The following LMO3 variants were observed in gnomAD, a reference collection of about 807,000 sequenced individuals.
LMO3 encodes the protein LIM domain only 3.
In LMO3, 2 loss-of-function variants were observed where a neutral mutation model predicts 15.8. The observed-to-expected ratio is 0.13, with a 90% CI of 0.05 to 0.40. The LOEUF (loss-of-function observed/expected upper bound fraction) is 0.40, where lower values mean the gene tolerates loss of function less well. Among genes scored for constraint, LMO3 ranks in the 10% least tolerant of loss-of-function variants. The pLI, the probability that LMO3 is intolerant of heterozygous loss-of-function variation, is 0.99. For synonymous variants in LMO3, 62 were observed against 63.8 expected (o/e 0.97, Z 0.13); for missense variants, 86 against 182.2 (o/e 0.47, Z 3.04).
rs936254635 is a variant in LMO3, at chr12:16,591,067, T to C, written c.206+9588A>G. On this transcript the variant is annotated intron_variant, in intron 2 of 3. Transcript: ENST00000537304. The surrounding 1 kb of genome is among the most constrained non-coding windows in gnomAD (Gnocchi z 4.1). ...AATAAGCTTTACAATGGTTTTCAAA[T>C]TGAAGTATTATCACTTTTCTAGGGG... Among the ~76,000 whole-genome samples, 3 of 152,088 alleles carry C rather than the reference T, an allele frequency of 2.0e-5. No individual in the cohort carries two copies. The highest frequency in any genetic ancestry group is 2.1e-4 in the South Asian group (1 of 4,832).
chr12:16,592,067 A>T (rs1014188870), intron 2 of LMO3, among the ~76,000 whole-genome samples: 3 of 152,054 alleles, frequency 2.0e-5, no homozygotes, highest in Non-Finnish European at 1.5e-5. Flanking sequence ...CCCAGACTGG[A>T]TAGCTTATTC....
rs534708493 is a variant in LMO3, at chr12:16,583,406, C to T, written c.206+17249G>A. Among the ~76,000 whole-genome samples the T allele has an allele frequency of 2.6e-5, 4 of 152,030 alleles. No individual in the cohort carries two copies. The East Asian group carries it at 5.8e-4, about 22-fold the overall frequency. On this transcript the variant is annotated intron_variant, in intron 2 of 3. Coordinates refer to ENST00000537304, the MANE Select transcript of LMO3 (RefSeq NM_018640.5). Reference sequence around the variant, plus strand: ...TTACAGAACAGAAAAATCTTGGGTACAGCCATATGTTGACAGTCAAGTAAT... The same window carrying T: ...TTACAGAACAGAAAAATCTTGGGTATAGCCATATGTTGACAGTCAAGTAAT...
At chr12:16,592,334 A>AC (rs1334531057) in intron 2 of LMO3, among the ~76,000 whole-genome samples, 2 of 151,902 alleles carry the variant, frequency 1.3e-5, no homozygotes, top group Non-Finnish European at 2.9e-5. Flanking sequence ...ACTTTCTAAT[A>AC]TTTTTCCTAA....
intron 2 of LMO3, among the ~76,000 whole-genome samples, chr12:16,562,356 A>G (rs1942436839): frequency 6.6e-6 from 1 of 152,232 alleles, no homozygotes. Flanking sequence ...GAATATAGAT[A>G]TACTTGTGTA....
chr12:16,604,982 A>G lies in LMO3; in HGVS notation c.-9+1084T>C. 6.3e-7 allele frequency: 1 copy of G among 1,597,146 alleles called. No homozygotes were observed. ...GAAGGGGGTCTCCTTGATTTCGCTT[A>G]AGTGTGGACCTGGTGCGCAGCCTAC... On this transcript the variant is annotated intron_variant, in intron 1 of 3. Transcript: ENST00000537304. The surrounding 1 kb of genome is among the most constrained non-coding windows in gnomAD (Gnocchi z 5.3).
Position 16,603,659 on chromosome 12 carries a change from A to C in LMO3, c.-9+2407T>G, listed in dbSNP as rs958751517. 2.0e-5 allele frequency among the ~76,000 whole-genome samples: 3 copies of C among 152,232 alleles called. No homozygotes were observed. Among genetic ancestry groups the C allele is most frequent in the Non-Finnish European group, 4.4e-5 (3 of 68,046 alleles). On this transcript the variant is annotated intron_variant, in intron 1 of 3. Transcript: ENST00000537304. This position sits in a 1 kb window ranked among gnomAD's most constrained non-coding sequence, Gnocchi z 4.9. ...CCTGTGCAGTGTGGTGTGCAGAAATAAGTAGAACCATTTCATTTAAACTCT... is the reference window on the plus strand; with the variant it reads ...CCTGTGCAGTGTGGTGTGCAGAAATCAGTAGAACCATTTCATTTAAACTCT...
chr12:16,609,667 G>C (rs972776360), upstream of LMO3: 1 of 152,152 alleles, frequency 6.6e-6, no homozygotes, highest in African/African-American at 2.4e-5. Context: ...GAGGGGAAAA[G>C]GGGAGGGGAA....
rs141362344 is a variant in LMO3, at chr12:16,570,468, TAAAG to T, written c.207-9934_207-9931del. Among the ~76,000 whole-genome samples the T allele has an allele frequency of 1.0e-3, 154 of 152,108 alleles. No homozygotes were observed. The Middle Eastern group carries it at 0.01, about 10-fold the overall frequency. Reference sequence around the variant, plus strand: ...TGAAATTTTCAACAGAAAAGAAAAATAAAGAAAATGAAAAGAAGCATTATAGGAA... The same window carrying T: ...TGAAATTTTCAACAGAAAAGAAAAATAAAATGAAAAGAAGCATTATAGGAA... On this transcript the variant is annotated intron_variant, in intron 2 of 3. Transcript: ENST00000537304.
At chr12:16,566,190 A>C (rs768866510) in intron 2 of LMO3, among the ~76,000 whole-genome samples, 5 of 151,170 alleles carry the variant, frequency 3.3e-5, no homozygotes, top group African/African-American at 4.9e-5. Context: ...GCTAAAATAA[A>C]AAGTCGACAT....
chr12:16,594,363 C>G (rs1943583206), intron 2 of LMO3: 1 of 1,132,786 alleles, frequency 8.8e-7, no homozygotes, highest in East Asian at 2.6e-5. Flanking sequence ...AGAAAAAGGC[C>G]ATTTATAGAG....
intron 3 of LMO3, among the ~76,000 whole-genome samples, chr12:16,553,243 G>A (rs1160748857): frequency 6.6e-6 from 1 of 152,076 alleles, no homozygotes; most frequent in Non-Finnish European, 1.5e-5. Flanking sequence ...CCAAGATTCT[G>A]TAGTTAAAAC....
At chr12:16,573,381 G>A (rs1464093291) in intron 2 of LMO3, 2 of 152,150 alleles carry the variant, frequency 1.3e-5, no homozygotes, top group African/African-American at 4.8e-5. Flanking sequence ...GATATTCAGT[G>A]GTAACCAGCG....
chr12:16,572,651 T>G (rs1406202054), intron 2 of LMO3, among the ~76,000 whole-genome samples: 1 of 148,244 alleles, frequency 6.7e-6, no homozygotes, highest in African/African-American at 2.4e-5. Context: ...TATATTTAAG[T>G]CAGTTACCTC....
chr12:16,604,810 C>G lies in LMO3; in HGVS notation c.-9+1256G>C, dbSNP rs1422668847. ...GCGGAAAAGCAGAAAGGCTTTTGAG[C>G]GGCCAGGAGTGCAGAGCGCCAGCAA... On this transcript the variant is annotated intron_variant, in intron 1 of 3. Transcript: ENST00000537304. This position sits in a 1 kb window ranked among gnomAD's most constrained non-coding sequence, Gnocchi z 5.3. 9.6e-6 allele frequency: 15 copies of G among 1,567,338 alleles called. No individual in the cohort carries two copies. The highest frequency in any genetic ancestry group is 1.3e-5 in the Non-Finnish European group (15 of 1,153,918).
intron 2 of LMO3, chr12:16,594,366 T>G: frequency 9.4e-7 from 1 of 1,068,308 alleles, no homozygotes; most frequent in Non-Finnish European, 1.3e-6. Flanking sequence ...AAAAGGCCAT[T>G]TATAGAGACA....
intron 2 of LMO3, chr12:16,594,474 G>A (rs2137651961): frequency 2.4e-6 from 1 of 410,944 alleles, no homozygotes; most frequent in Non-Finnish European, 4.4e-6. Context: ...ATCTTGTCCA[G>A]CATTTACACT....
intron 2 of LMO3, among the ~76,000 whole-genome samples, chr12:16,595,847 T>C (rs527804054): frequency 1.3e-5 from 2 of 151,552 alleles, no homozygotes; most frequent in South Asian, 4.1e-4. Context: ...AAGTTTATGC[T>C]TTCAGAATTT....
At chr12:16,588,924 A>C (rs1338322245) in intron 2 of LMO3, among the ~76,000 whole-genome samples, 1 of 151,278 alleles carries the variant, frequency 6.6e-6, no homozygotes, top group South Asian at 2.1e-4. Context: ...GTATCAGCCA[A>C]TGTGTACCGC....
At chr12:16,552,161 T>G (rs1942011952) in intron 3 of LMO3, among the ~76,000 whole-genome samples, 1 of 152,040 alleles carries the variant, frequency 6.6e-6, no homozygotes. Context: ...TTGGACACAA[T>G]TAAGGTCAGA....
Sources: gnomAD v4.1 joint callset for allele counts (sites outside exome capture counted in the v4.1 genomes callset) on GRCh38, gnomAD v4.1.1 for gene constraint, Gnocchi (gnomAD v3.1) non-coding constraint, MANE v1.5 for transcripts, NCBI Gene and HGNC (gene_info 2026-07-23, HGNC 2026-07-21) for gene names.